Variants in GASK1B observed in about 807,000 individuals in gnomAD.
GASK1B encodes the protein golgi associated kinase 1B, also known as Golgi-associated kinase 1B.
A neutral mutation model predicts 42.8 loss-of-function variants in GASK1B; 34 were observed. The ratio of observed to expected loss-of-function variants is 0.79; its 90% CI spans 0.60 to 1.06. GASK1B has a LOEUF of 1.06. Ranked by LOEUF, GASK1B falls within the 50% of genes least tolerant of loss-of-function variation. The pLI is 0.00. For missense variants in GASK1B, 686 were observed against 661.0 expected, an observed-to-expected ratio of 1.04 and a Z score of -0.42; for synonymous variants, 262 against 259.1, an observed-to-expected ratio of 1.01 and a Z score of -0.11.
rs549300648 is a variant in GASK1B, at chr4:158,148,325, T to C, written c.1125+7286A>G. On this transcript the variant is annotated intron_variant, in intron 3 of 4. Transcript: ENST00000585682. Reference sequence around the variant, plus strand: ...TCTACAAGATTAGCAAAAATATTAGTTTGCTTTCCACTTCCCACAGTTGGT... The same window carrying C: ...TCTACAAGATTAGCAAAAATATTAGCTTGCTTTCCACTTCCCACAGTTGGT... 2.0e-5 allele frequency among the ~76,000 whole-genome samples: 3 copies of C among 152,240 alleles called. No individual in the cohort carries two copies. In the East Asian group the frequency reaches 5.8e-4, roughly 29 times the overall value.
At chr4:158,138,158 T>C (rs1340355225) in intron 3 of GASK1B, among the ~76,000 whole-genome samples, 5 of 152,220 alleles carry the variant, frequency 3.3e-5, no homozygotes, top group Admixed American at 2.6e-4. Context: ...TTAAAATCCA[T>C]ATACTGCACC....
At chr4:158,172,152 G>GTT (rs1257303631) in intron 1 of GASK1B, 1 of 151,760 alleles carries the variant, frequency 6.6e-6, no homozygotes, top group Non-Finnish European at 1.5e-5. Context: ...CATTTATTCT[G>GTT]TTTCTCTCTC....
chr4:158,144,178 T>A (rs530276283), intron 3 of GASK1B, among the ~76,000 whole-genome samples: 3 of 152,326 alleles, frequency 2.0e-5, no homozygotes, highest in African/African-American at 7.2e-5. Context: ...CCAAGTTTTC[T>A]GGCCAATATG....
At chr4:158,151,507 C>T (rs148829450) in intron 3 of GASK1B, among the ~76,000 whole-genome samples, 3 of 152,134 alleles carry the variant, frequency 2.0e-5, no homozygotes, top group African/African-American at 7.2e-5. Context: ...ATTCCTCATA[C>T]CTCAATAAAT....
chr4:158,139,196 A>G (rs1269993727), intron 3 of GASK1B, among the ~76,000 whole-genome samples: 2 of 152,232 alleles, frequency 1.3e-5, no homozygotes, highest in Non-Finnish European at 2.9e-5. Context: ...CCTGCTAGAA[A>G]AGACAAAGTT....
At chr4:158,156,722 T>C (rs2110994970) in intron 2 of GASK1B, among the ~76,000 whole-genome samples, 1 of 152,196 alleles carries the variant, frequency 6.6e-6, no homozygotes, top group East Asian at 1.9e-4. Flanking sequence ...CACAAAGAGA[T>C]GGTGTGGAGC....
At chr4:158,141,968 C>T (rs1158869606) in intron 3 of GASK1B, among the ~76,000 whole-genome samples, 1 of 101,626 alleles carries the variant, frequency 9.8e-6, no homozygotes, top group Non-Finnish European at 2.0e-5. Flanking sequence ...GACGGAGTCT[C>T]GCTCTGTCGC....
intron 3 of GASK1B, among the ~76,000 whole-genome samples, chr4:158,151,530 G>A (rs1263704321): frequency 6.6e-6 from 1 of 152,146 alleles, no homozygotes; most frequent in Non-Finnish European, 1.5e-5. Context: ...TAGCTATGAT[G>A]AGTATGATTA....
intron 3 of GASK1B, among the ~76,000 whole-genome samples, chr4:158,134,922 G>A (rs1730826556): frequency 6.6e-6 from 1 of 152,136 alleles, no homozygotes; most frequent in Non-Finnish European, 1.5e-5. Flanking sequence ...CACCAGCTAT[G>A]TCTTCAAAAA....
intron 2 of GASK1B, among the ~76,000 whole-genome samples, chr4:158,160,832 C>T (rs1202786586): frequency 1.3e-5 from 2 of 152,094 alleles, no homozygotes; most frequent in Non-Finnish European, 2.9e-5. Context: ...CTGGATGACA[C>T]TATTTTAAGC....
chr4:158,135,524 T>G (rs1730855141), intron 3 of GASK1B, among the ~76,000 whole-genome samples: 1 of 151,918 alleles, frequency 6.6e-6, no homozygotes, highest in South Asian at 2.1e-4. Context: ...ACCAATAGTC[T>G]CATTTGATAA....
Position 158,171,389 on chromosome 4 carries a change from C to T in GASK1B, c.-14G>A, listed in dbSNP as rs369806859. Reference sequence around the variant, plus strand: ...TGGACAGGTCATTTCTCTGCCGCATCCACATGTTGAACGGAGTTTAAAGTC... The same window carrying T: ...TGGACAGGTCATTTCTCTGCCGCATTCACATGTTGAACGGAGTTTAAAGTC... On this transcript the variant is annotated 5_prime_UTR_variant, in exon 2 of 5. It introduces an in-frame stop codon into an upstream open reading frame of the 5' UTR. Transcript: ENST00000585682. 1.9e-5 allele frequency: 30 copies of T among 1,541,642 alleles called. No homozygotes were observed. In the African/African-American group the frequency reaches 3.7e-4, roughly 19 times the overall value.
At chr4:158,152,528 A>G (rs1731596953) in intron 3 of GASK1B, among the ~76,000 whole-genome samples, 1 of 151,990 alleles carries the variant, frequency 6.6e-6, no homozygotes. Flanking sequence ...GAAAACCAGG[A>G]AAGGACACAA....
rs550951455 is a variant in GASK1B at position 158,151,676 on chromosome 4, C to T, written c.1125+3935G>A. 2.9e-4 allele frequency among the ~76,000 whole-genome samples: 6 copies of T among 20,816 alleles called. No homozygotes were observed. The South Asian group carries it at 4.0e-3, about 14-fold the overall frequency. The allele number at this position is 20,816 out of a possible 152,430, so 13.7% of individuals were successfully genotyped here. ...CAAGGCTACTATGAACACCTTTACACGCAAAACTACAAAACCTAGAGGAGA... is the reference window on the plus strand; with the variant it reads ...CAAGGCTACTATGAACACCTTTACATGCAAAACTACAAAACCTAGAGGAGA... On this transcript the variant is annotated intron_variant, in intron 3 of 4. Coordinates refer to ENST00000585682, the MANE Select transcript of GASK1B (RefSeq NM_001128424.2).
chr4:158,131,682 G>C (rs1330775640), intron 3 of GASK1B, among the ~76,000 whole-genome samples: 4 of 152,120 alleles, frequency 2.6e-5, no homozygotes, highest in African/African-American at 9.7e-5. Context: ...AAGAAGAACT[G>C]TTTAATTCCA....
chr4:158,162,604 G>T (rs181659966), intron 2 of GASK1B, among the ~76,000 whole-genome samples: 107 of 152,268 alleles, frequency 7.0e-4, no homozygotes, highest in Admixed American at 4.1e-3. Context: ...CAGAGGTTTT[G>T]ATGCCCTCAT....
chr4:158,150,147 G>A (rs865793072), intron 3 of GASK1B, among the ~76,000 whole-genome samples: 28 of 151,834 alleles, frequency 1.8e-4, no homozygotes, highest in Middle Eastern at 6.8e-3. Context: ...GGATGGTCTC[G>A]ATCTCCTGAC....
At chr4:158,165,015 T>C (rs139795996) in intron 2 of GASK1B, among the ~76,000 whole-genome samples, 28 of 152,362 alleles carry the variant, frequency 1.8e-4, no homozygotes, top group Non-Finnish European at 3.7e-4. Context: ...CTAAGCAGCA[T>C]TGACATACAG....
intron 2 of GASK1B, among the ~76,000 whole-genome samples, chr4:158,156,096 C>T (rs188753768): frequency 3.9e-5 from 6 of 152,260 alleles, no homozygotes; most frequent in Admixed American, 2.0e-4. Flanking sequence ...GAATAGGCTA[C>T]TAAGCACCAA....
Sources: allele counts gnomAD v4.1 joint callset (sites outside exome capture counted in the v4.1 genomes callset), GRCh38; gene constraint gnomAD v4.1.1; transcripts MANE v1.5; gene names NCBI Gene and HGNC (gene_info 2026-07-23, HGNC 2026-07-21).